The following CIMIP6 variants were observed in gnomAD, a reference collection of about 807,000 sequenced individuals.
CIMIP6 encodes ciliary microtubule inner protein 6, also known as uncharacterized protein C2orf73.
the CIMIP6 span, among the ~76,000 whole-genome samples, chr2:54,358,682 G>A: frequency 1.2e-4 from 18 of 152,306 alleles, no homozygotes; most frequent in African/African-American, 4.1e-4. Flanking sequence ...TTACAGGAAT[G>A]AGCCACCATG....
the CIMIP6 span, among the ~76,000 whole-genome samples, chr2:54,356,516 C>G: frequency 1.3e-5 from 2 of 152,162 alleles, no homozygotes; most frequent in Non-Finnish European, 2.9e-5. Flanking sequence ...TTCACTAAAG[C>G]CTTTGGGTTT....
At chr2:54,374,020 T>C in the CIMIP6 span, among the ~76,000 whole-genome samples, 1 of 152,252 alleles carries the variant, frequency 6.6e-6, no homozygotes, top group African/African-American at 2.4e-5. Flanking sequence ...TATTTATTCC[T>C]GGCTATTAAA....
the CIMIP6 span, among the ~76,000 whole-genome samples, chr2:54,359,383 C>T: frequency 1.3e-5 from 2 of 152,128 alleles, no homozygotes; most frequent in Non-Finnish European, 1.5e-5. Flanking sequence ...AATGAAACCT[C>T]ATCTCAATCA....
chr2:54,335,236 T>C, the CIMIP6 span, among the ~76,000 whole-genome samples: 1 of 152,282 alleles, frequency 6.6e-6, no homozygotes, highest in East Asian at 1.9e-4. Context: ...AGTAATTGTT[T>C]CCCTAGATTG....
the CIMIP6 span, among the ~76,000 whole-genome samples, chr2:54,375,098 C>T: frequency 6.6e-6 from 1 of 152,058 alleles, no homozygotes; most frequent in Non-Finnish European, 1.5e-5. Flanking sequence ...ATATCCCAAA[C>T]AAGACCCCAA....
the CIMIP6 span, among the ~76,000 whole-genome samples, chr2:54,334,517 T>G: frequency 6.6e-6 from 1 of 152,200 alleles, no homozygotes; most frequent in East Asian, 1.9e-4. Flanking sequence ...ACTGCAAACA[T>G]GATATGGAAG....
the CIMIP6 span, among the ~76,000 whole-genome samples, chr2:54,358,691 T>A: frequency 6.6e-6 from 1 of 152,230 alleles, no homozygotes; most frequent in Non-Finnish European, 1.5e-5. Flanking sequence ...TGAGCCACCA[T>A]GCCTGACCAT....
chr2:54,348,127 C>G, the CIMIP6 span, among the ~76,000 whole-genome samples: 1 of 152,204 alleles, frequency 6.6e-6, no homozygotes, highest in Non-Finnish European at 1.5e-5. Context: ...ACCATCAACA[C>G]TTCTTTTATA....
At chr2:54,335,715 G>A in the CIMIP6 span, among the ~76,000 whole-genome samples, 2 of 152,128 alleles carry the variant, frequency 1.3e-5, no homozygotes, top group Non-Finnish European at 2.9e-5. Context: ...AAACTTGAAA[G>A]CTGGTTTAAA....
the CIMIP6 span, chr2:54,343,725 C>G: frequency 6.3e-7 from 1 of 1,589,634 alleles, no homozygotes; most frequent in Non-Finnish European, 8.5e-7. Context: ...TAAAGGGTGA[C>G]TGGTGGTCAC....
the CIMIP6 span, among the ~76,000 whole-genome samples, chr2:54,379,561 C>T: frequency 1.6e-4 from 25 of 152,110 alleles, no homozygotes; most frequent in Non-Finnish European, 3.1e-4. Context: ...AAAGAAAGTC[C>T]AGGCATGGTG....
chr2:54,370,894 T>C, the CIMIP6 span, among the ~76,000 whole-genome samples: 1 of 152,210 alleles, frequency 6.6e-6, no homozygotes, highest in African/African-American at 2.4e-5. Flanking sequence ...ACTGTTTTTA[T>C]TGTTAGCAAA....
chr2:54,380,595 G>A, the CIMIP6 span, among the ~76,000 whole-genome samples: 1 of 152,200 alleles, frequency 6.6e-6, no homozygotes, highest in African/African-American at 2.4e-5. Context: ...AAGCTCCTGG[G>A]AATTCCTTAT....
the CIMIP6 span, among the ~76,000 whole-genome samples, chr2:54,379,269 C>T: frequency 1.3e-5 from 2 of 152,196 alleles, no homozygotes; most frequent in Non-Finnish European, 2.9e-5. Context: ...AATGCCTCCT[C>T]ATCCATGTGG....
At chr2:54,331,524 T>A in the CIMIP6 span, among the ~76,000 whole-genome samples, 1 of 152,060 alleles carries the variant, frequency 6.6e-6, no homozygotes, top group Non-Finnish European at 1.5e-5. Flanking sequence ...CAATGGCCTA[T>A]GGAGTCTACA....
At chr2:54,378,565 A>T in the CIMIP6 span, among the ~76,000 whole-genome samples, 5 of 152,250 alleles carry the variant, frequency 3.3e-5, no homozygotes, top group Non-Finnish European at 7.3e-5. Flanking sequence ...AATATTGTCT[A>T]GAAAGGAAGA....
At chr2:54,375,322 A>T in the CIMIP6 span, among the ~76,000 whole-genome samples, 1 of 152,232 alleles carries the variant, frequency 6.6e-6, no homozygotes, top group Non-Finnish European at 1.5e-5. Context: ...CAAAGTTATC[A>T]AGTTAATAAG....
chr2:54,358,601 C>T, the CIMIP6 span, among the ~76,000 whole-genome samples: 1 of 152,080 alleles, frequency 6.6e-6, no homozygotes, highest in African/African-American at 2.4e-5. Flanking sequence ...ACCATGTTCC[C>T]CAGGCTAGTC....
the CIMIP6 span, among the ~76,000 whole-genome samples, chr2:54,340,693 C>T: frequency 3.3e-5 from 5 of 152,166 alleles, no homozygotes; most frequent in African/African-American, 1.2e-4. Context: ...TCTCTATTTC[C>T]TTTATGTTTG....
Sources: allele counts gnomAD v4.1 joint callset (sites outside exome capture counted in the v4.1 genomes callset), GRCh38; gene constraint gnomAD v4.1.1; transcripts MANE v1.5; gene names NCBI Gene and HGNC (gene_info 2026-07-23, HGNC 2026-07-21).